Variants in MTUS2 observed in about 807,000 individuals in gnomAD.
MTUS2 encodes the protein microtubule associated scaffold protein 2, also known as microtubule-associated tumor suppressor candidate 2.
Under a neutral mutation model 114.1 loss-of-function variants are expected in MTUS2, and 40 were observed. The observed-to-expected ratio is 0.35, with a 90% CI of 0.27 to 0.46. MTUS2 has a LOEUF of 0.46. MTUS2 is among the 20% of genes least tolerant of loss of function. The pLI is 1.00. For synonymous variants in MTUS2, 688 were observed against 672.0 expected (o/e 1.02, Z -0.37); for missense variants, 1,679 against 1,705.4 (o/e 0.98, Z 0.27).
chr13:29,478,673 C>T (rs556243557), intron 9 of MTUS2, among the ~76,000 whole-genome samples: 14 of 152,166 alleles, frequency 9.2e-5, no homozygotes, highest in South Asian at 2.1e-4. Context: ...CTACCTACAG[C>T]GCATCTCCTT....
intron 2 of MTUS2, among the ~76,000 whole-genome samples, chr13:28,908,815 G>A (rs1441154786): frequency 1.3e-5 from 2 of 151,398 alleles, no homozygotes; most frequent in African/African-American, 4.9e-5. Flanking sequence ...GGGTTTTTAT[G>A]GTTTTAGGTC....
chr13:29,040,336 T>G (rs1414389514), intron 4 of MTUS2, among the ~76,000 whole-genome samples: 1 of 152,254 alleles, frequency 6.6e-6, no homozygotes, highest in Non-Finnish European at 1.5e-5. Flanking sequence ...TCATAGTACA[T>G]TTGTACCACA....
At chr13:28,936,504 C>G (rs1026090727) in intron 2 of MTUS2, among the ~76,000 whole-genome samples, 10 of 152,030 alleles carry the variant, frequency 6.6e-5, no homozygotes, top group African/African-American at 2.2e-4. Flanking sequence ...GGTGCCTGTG[C>G]CTTTTGGTGA....
intron 8 of MTUS2, among the ~76,000 whole-genome samples, chr13:29,383,837 T>C (rs566490066): frequency 1.3e-5 from 2 of 152,386 alleles, no homozygotes; most frequent in Non-Finnish European, 2.9e-5. Context: ...TGCTTATTAC[T>C]GTCCTGGATA....
chr13:29,247,315 G>A (rs1457268812), intron 5 of MTUS2, among the ~76,000 whole-genome samples: 1 of 152,022 alleles, frequency 6.6e-6, no homozygotes, highest in African/African-American at 2.4e-5. Context: ...AAAAATTCTA[G>A]AACATTAGAA....
chr13:29,021,162 G>C (rs1458552022), intron 2 of MTUS2, among the ~76,000 whole-genome samples: 1 of 152,194 alleles, frequency 6.6e-6, no homozygotes, highest in Non-Finnish European at 1.5e-5. Context: ...AGCTGCTTGG[G>C]AGGCTGACCC....
At chr13:29,303,881 CAGAG>C (rs1283421964) in intron 6 of MTUS2, among the ~76,000 whole-genome samples, 2 of 152,100 alleles carry the variant, frequency 1.3e-5, no homozygotes, top group African/African-American at 4.8e-5. Flanking sequence ...TAAGGGCAGC[CAGAG>C]AGAAAGGCCA....
intron 2 of MTUS2, among the ~76,000 whole-genome samples, chr13:29,017,624 G>T (rs1370909075): frequency 6.6e-6 from 1 of 151,954 alleles, no homozygotes; most frequent in African/African-American, 2.4e-5. Flanking sequence ...TGGATATTCT[G>T]ATATGGCCCT....
intron 4 of MTUS2, among the ~76,000 whole-genome samples, chr13:29,098,795 T>C (rs1306042637): frequency 6.6e-6 from 1 of 152,238 alleles, no homozygotes; most frequent in Non-Finnish European, 1.5e-5. Context: ...CATGCCTAGG[T>C]ACTCTGTTAA....
chr13:29,410,824 T>TGTTA (rs1450349021), intron 8 of MTUS2, among the ~76,000 whole-genome samples: 4 of 151,708 alleles, frequency 2.6e-5, no homozygotes, highest in East Asian at 1.9e-4. Context: ...TTTGTTTGTT[T>TGTTA]GTTTGTTTGT....
In MTUS2 at chr13:29,320,189, G is replaced by A. The variant is rs370306735; in HGVS notation, c.2807-4424G>A. Among the ~76,000 whole-genome samples the A allele has an allele frequency of 3.9e-5, 6 of 152,306 alleles. No individual in the cohort carries two copies. The East Asian group carries it at 5.8e-4, about 15-fold the overall frequency. On this transcript the variant is annotated intron_variant, in intron 6 of 15. Transcript: ENST00000612955. Reference sequence around the variant, plus strand: ...GCAGGAGGAATTAGAAAGACATGATGCAGGAAGCAGGGATCGGAGTGATTG... The same window carrying A: ...GCAGGAGGAATTAGAAAGACATGATACAGGAAGCAGGGATCGGAGTGATTG...
At chr13:28,858,056 G>T (rs891002972) in intron 2 of MTUS2, among the ~76,000 whole-genome samples, 1 of 152,190 alleles carries the variant, frequency 6.6e-6, no homozygotes, top group African/African-American at 2.4e-5. Context: ...AAAGTAGAGG[G>T]ATTTGACCTA....
intron 2 of MTUS2, among the ~76,000 whole-genome samples, chr13:28,855,000 T>C (rs75688114): frequency 0.043 from 6,491 of 152,216 alleles, 418 homozygotes; most frequent in African/African-American, 0.13. Flanking sequence ...CCCTTACTTA[T>C]CTTGGTGTTT....
In MTUS2 at chr13:29,069,666, G is replaced by T. The variant is rs181695724; in HGVS notation, c.2447-31107G>T. On this transcript the variant is annotated intron_variant, in intron 4 of 15. Coordinates refer to ENST00000612955, the MANE Select transcript of MTUS2 (RefSeq NM_001033602.4). The stretch of plus-strand genomic sequence containing the variant: ...CATAAGAATAATTTGAAAGGGAAAA[G>T]AATTAAGGAAGAAAAAGCAAGGAAA... Among the ~76,000 whole-genome samples the T allele has an allele frequency of 3.7e-4, 56 of 152,290 alleles. No homozygotes were observed. The Middle Eastern group carries it at 0.01, about 28-fold the overall frequency.
intron 5 of MTUS2, among the ~76,000 whole-genome samples, chr13:29,273,236 G>A (rs1487807498): frequency 6.6e-6 from 1 of 152,174 alleles, no homozygotes; most frequent in Admixed American, 6.5e-5. Flanking sequence ...AGGAGGAACT[G>A]AGTATCACCC....
chr13:29,034,564 A>T (rs182872719), intron 4 of MTUS2, among the ~76,000 whole-genome samples: 98 of 152,348 alleles, frequency 6.4e-4, no homozygotes, highest in Non-Finnish European at 1.2e-3. Flanking sequence ...GCAAGAGAGA[A>T]AGCCATGGAG....
chr13:29,173,213 A>C (rs1283906315), intron 5 of MTUS2, among the ~76,000 whole-genome samples: 1 of 151,734 alleles, frequency 6.6e-6, no homozygotes, highest in East Asian at 1.9e-4. Context: ...CATCTGTTCT[A>C]CTCTAAGGGT....
intron 14 of MTUS2, among the ~76,000 whole-genome samples, chr13:29,500,830 C>T (rs1297026636): frequency 1.4e-5 from 2 of 141,834 alleles, no homozygotes; most frequent in Non-Finnish European, 3.1e-5. Context: ...CACACACACA[C>T]ACACATTGAT....
At chr13:29,425,543 TA>T (rs1158064166) in intron 8 of MTUS2, among the ~76,000 whole-genome samples, 1 of 152,058 alleles carries the variant, frequency 6.6e-6, no homozygotes, top group Non-Finnish European at 1.5e-5. Context: ...GAAGAAAAAG[TA>T]AAAAAATAGA....
Sources: allele counts gnomAD v4.1 joint callset (sites outside exome capture counted in the v4.1 genomes callset), GRCh38; gene constraint gnomAD v4.1.1; transcripts MANE v1.5; gene names NCBI Gene and HGNC (gene_info 2026-07-23, HGNC 2026-07-21).